Variants in DDT observed in about 807,000 individuals in gnomAD.
DDT encodes D-dopachrome decarboxylase.
A neutral mutation model predicts 2.5 loss-of-function variants in DDT; 4 were observed. The observed-to-expected ratio is 1.59, with a 90% CI of 0.78 to 3.63. DDT has a LOEUF of 3.63. Ranked by LOEUF, DDT falls within the 30% of genes most tolerant of loss-of-function variation. DDT has a pLI of 0.01. For missense variants in DDT, 32 were observed against 30.0 expected, an observed-to-expected ratio of 1.07 and a Z score of -0.15; for synonymous variants, 11 against 10.0, an observed-to-expected ratio of 1.10 and a Z score of -0.19.
upstream of DDT, chr22:23,977,474 A>G (rs2033954982): frequency 5.0e-6 from 1 of 202,020 alleles, no homozygotes; most frequent in South Asian, 9.6e-5. Context: ...CTGGTCCCGC[A>G]GGAACTTGTC....
Position 23,971,597 on chromosome 22 carries a change from T to G in DDT, c.311A>C (p.Glu104Ala), listed in dbSNP as rs753074739. The change falls in exon 3 of 3, where the codon GAG becomes GCG. Residue 104 changes from glutamate (E) to alanine (A), a missense_variant. Glu to Ala is a moderately radical substitution (Grantham distance 107). Transcript: ENST00000398344. ...CCCTATCTTGCCAATCTGCCAGGAC[T>G]CCAAGGGGAAAAAGCGGATAAGTAT... ...DRILIRFFPL[E>A]SWQIGKIGTV... The G allele has an allele frequency of 3.1e-6, 5 of 1,614,066 alleles. No individual in the cohort carries two copies. In the East Asian group the frequency reaches 8.9e-5, roughly 29 times the overall value.
chr22:23,972,073 G>T, intron 2 of DDT: 1 of 708,974 alleles, frequency 1.4e-6, no homozygotes, highest in Non-Finnish European at 1.7e-6. Context: ...GTAACAGCAA[G>T]TTTCCAGTGA....
chr22:23,971,735 A>C (rs1807448095), intron 2 of DDT, 112 bp from the exon 3 acceptor site: 4 of 965,660 alleles, frequency 4.1e-6, no homozygotes, highest in Non-Finnish European at 6.1e-6. Flanking sequence ...GCCTCAGTCC[A>C]CCAGGCATTT....
chr22:23,972,266 G>A lies in DDT; in HGVS notation c.285-643C>T. 8 of 950,886 alleles carry A rather than the reference G, an allele frequency of 8.4e-6. No individual in the cohort carries two copies. In the South Asian group the frequency reaches 1.5e-4, roughly 17 times the overall value. The allele number at this position is 950,886 out of a possible 1,614,324, so 58.9% of individuals were successfully genotyped here. On this transcript the variant is annotated intron_variant, in intron 2 of 2. Coordinates refer to ENST00000398344, the MANE Select transcript of DDT (RefSeq NM_001084392.3). Reference sequence around the variant, plus strand: ...ATGGGATCATGAGTGTAAAGTACCTGTAGAGGACCTAGCACATGGTAAGTG... The same window carrying A: ...ATGGGATCATGAGTGTAAAGTACCTATAGAGGACCTAGCACATGGTAAGTG...
chr22:23,971,445 AT>A lies in DDT; in HGVS notation c.*105del. On this transcript the variant is annotated 3_prime_UTR_variant, in exon 3 of 3. Transcript: ENST00000398344. ...GATTATGTGATCACAGGAATGTTGC[AT>A]GCGGGATAATCCAAAGCTGGTTATC... 1 of 1,608,626 alleles carries A rather than the reference AT, an allele frequency of 6.2e-7. No individual in the cohort carries two copies. The highest frequency in any genetic ancestry group is 2.2e-5 in the East Asian group (1 of 44,834).
intron 2 of DDT, 35 bp from the exon 3 acceptor site, chr22:23,971,658 C>G: frequency 6.3e-7 from 1 of 1,591,342 alleles, no homozygotes. Flanking sequence ...TCATCAGCTC[C>G]TTGGCTAATA....
At chr22:23,972,011 A>T in intron 2 of DDT, 1 of 303,968 alleles carries the variant, frequency 3.3e-6, no homozygotes, top group Non-Finnish European at 4.9e-6. Flanking sequence ...CCCCCACCCC[A>T]CCAACCCCGC....
chr22:23,972,225 G>C (rs1227466520), intron 2 of DDT: 2 of 946,654 alleles, frequency 2.1e-6, no homozygotes, highest in Admixed American at 1.2e-4. Flanking sequence ...GAGTGGATAG[G>C]GATTGTAAGG....
Position 23,971,607 on chromosome 22 carries a change from A to G in DDT, c.301T>C (p.Phe101Leu). The G allele has an allele frequency of 6.2e-7, 1 of 1,614,152 alleles. No homozygotes were observed. Among genetic ancestry groups the G allele is most frequent in the Non-Finnish European group, 8.5e-7 (1 of 1,179,992 alleles). ...LGQDRILIRF[F>L]PLESWQIGKI... ...CCAATCTGCCAGGACTCCAAGGGGA[A>G]AAAGCGGATAAGTATCCTTCAGGAG... The change falls in exon 3 of 3, where the codon TTC becomes CTC. Residue 101 changes from phenylalanine to leucine, a missense_variant. Coordinates refer to ENST00000398344, the MANE Select transcript of DDT (RefSeq NM_001084392.3).
At position 23,971,557 on chromosome 22, in the gene DDT, A is replaced by G. The variant is rs762755472; in HGVS notation, c.351T>C (p.Phe117=). Residue 117 remains phenylalanine, a synonymous_variant, in exon 3 of 3, where the codon TTT becomes TTC. Transcript: ENST00000398344. ...TGGATCCCTCCGTGCCCAATCATAA[A>G]AAAGTCATGACCGTCCCTATCTTGC... is the stretch of plus-strand genomic sequence containing the variant. ...QIGKIGTVMT[F]L 1.6e-5 allele frequency: 26 copies of G among 1,614,024 alleles called. No homozygotes were observed. Among genetic ancestry groups the G allele is most frequent in the East Asian group, 2.2e-5 (1 of 44,892 alleles).
rs1162832321 is a variant in DDT, at chr22:23,971,416, A to G, written c.*135T>C. ...CATTTATTTCATATGAGGATGAAGA[A>G]GAGGATTATGTGATCACAGGAATGT... On this transcript the variant is annotated 3_prime_UTR_variant, in exon 3 of 3. Coordinates refer to ENST00000398344, the MANE Select transcript of DDT (RefSeq NM_001084392.3). The G allele has an allele frequency of 7.4e-6, 12 of 1,612,714 alleles. No individual in the cohort carries two copies. Among genetic ancestry groups the G allele is most frequent in the Admixed American group, 3.3e-5 (2 of 59,796 alleles).
chr22:23,972,644 G>A (rs1373916875), intron 2 of DDT: 9 of 561,330 alleles, frequency 1.6e-5, no homozygotes, highest in African/African-American at 6.0e-5. Flanking sequence ...GTGATACAGG[G>A]GGCTGACTGT....
rs1449171248 is a variant in DDT at position 23,971,461 on chromosome 22, AG to A, written c.*89del. On this transcript the variant is annotated 3_prime_UTR_variant, in exon 3 of 3. Transcript: ENST00000398344. ...GAATGTTGCATGCGGGATAATCCAA[AG>A]CTGGTTATCTCCAGGCCCTCACTCT... is the stretch of plus-strand genomic sequence containing the variant. 6.2e-7 allele frequency: 1 copy of A among 1,607,164 alleles called. No homozygotes were observed.
chr22:23,972,257 A>G (rs2033921003), intron 2 of DDT: 2 of 961,622 alleles, frequency 2.1e-6, no homozygotes, highest in Non-Finnish European at 2.5e-6. Flanking sequence ...TCATGAGTGT[A>G]AAGTACCTGT....
chr22:23,972,137 C>G (rs927738278), intron 2 of DDT: 2 of 982,118 alleles, frequency 2.0e-6, no homozygotes, highest in African/African-American at 3.5e-5. Context: ...TATGAACAGC[C>G]TGTCTTCTCA....
rs150924512 is a variant in DDT, at chr22:23,971,570, G to C, written c.338C>G (p.Thr113Arg). The change falls in exon 3 of 3, where the codon ACG becomes AGG. Residue 113 changes from threonine to arginine, a missense_variant. Coordinates refer to ENST00000398344, the MANE Select transcript of DDT (RefSeq NM_001084392.3). ...GCCCAATCATAAAAAAGTCATGACC[G>C]TCCCTATCTTGCCAATCTGCCAGGA... Reference protein sequence around the residue: ...LESWQIGKIGTVMTFL With the variant: ...LESWQIGKIGRVMTFL 1 of 1,614,086 alleles carries C rather than the reference G, an allele frequency of 6.2e-7. No individual in the cohort carries two copies. The highest frequency in any genetic ancestry group is 8.5e-7 in the Non-Finnish European group (1 of 1,179,988).
chr22:23,971,435 G>C lies in DDT; in HGVS notation c.*116C>G. 1 of 1,610,478 alleles carries C rather than the reference G, an allele frequency of 6.2e-7. No individual in the cohort carries two copies. The highest frequency in any genetic ancestry group is 8.5e-7 in the Non-Finnish European group (1 of 1,177,746). ...TGAAGAAGAGGATTATGTGATCACA[G>C]GAATGTTGCATGCGGGATAATCCAA... On this transcript the variant is annotated 3_prime_UTR_variant, in exon 3 of 3. Transcript: ENST00000398344.
At chr22:23,971,972 G>C (rs1191882101) in intron 2 of DDT, 5 of 218,952 alleles carry the variant, frequency 2.3e-5, no homozygotes, top group African/African-American at 1.2e-4. Flanking sequence ...TCAGCCACCT[G>C]TTTTCTCAAA....
In DDT at chr22:23,971,515, C is replaced by G. The variant is rs1405324259; in HGVS notation, c.*36G>C. On this transcript the variant is annotated 3_prime_UTR_variant, in exon 3 of 3. Coordinates refer to ENST00000398344, the MANE Select transcript of DDT (RefSeq NM_001084392.3). ...CAAGAGATCTCTCTGGAAGAAGCAG[C>G]CAGTTCACAGATGCCCTGGATCCCT... The G allele has an allele frequency of 1.2e-5, 20 of 1,611,772 alleles. No homozygotes were observed. The Middle Eastern group carries it at 6.6e-4, about 53-fold the overall frequency.
Sources: allele counts gnomAD v4.1 joint callset, GRCh38; gene constraint gnomAD v4.1.1; transcripts MANE v1.5; gene names NCBI Gene and HGNC (gene_info 2026-07-23, HGNC 2026-07-21).